Variants in SH3GL2 observed in about 807,000 individuals in gnomAD.
The protein encoded by SH3GL2 is SH3 domain containing GRB2 like 2, endophilin A1, also known as endophilin-A1.
In SH3GL2, 24 loss-of-function variants were observed where a neutral mutation model predicts 46.0. The observed-to-expected ratio is 0.52, with a 90% confidence interval of 0.38 to 0.73. SH3GL2 has a LOEUF of 0.73. Ranked by LOEUF, SH3GL2 falls within the 30% of genes least tolerant of loss-of-function variation. The pLI is 0.00. For synonymous variants in SH3GL2, 196 were observed against 147.1 expected, an observed-to-expected ratio of 1.33 and a Z score of -2.40; for missense variants, 413 against 424.2, an observed-to-expected ratio of 0.97 and a Z score of 0.23.
Position 17,657,083 on chromosome 9 carries a change from A to C in SH3GL2, c.45+77796A>C, listed in dbSNP as rs909761532. Among the ~76,000 whole-genome samples the C allele has an allele frequency of 3.9e-5, 6 of 152,202 alleles. No individual in the cohort carries two copies. The East Asian group carries it at 1.2e-3, about 29-fold the overall frequency. On this transcript the variant is annotated intron_variant, in intron 1 of 8. Transcript: ENST00000380607. The stretch of plus-strand genomic sequence containing the variant: ...TGTTCCTAGGGAATGGTTGTGAAGT[A>C]CTTTTTAGTCACTCACCTGATAGAG...
chr9:17,793,716 C>G (rs143165199), intron 8 of SH3GL2, among the ~76,000 whole-genome samples: 107 of 152,232 alleles, frequency 7.0e-4, no homozygotes, highest in African/African-American at 2.5e-3. Context: ...CTCTATAAAA[C>G]TTTCTTTGTA....
At chr9:17,687,975 T>G (rs774917570) in intron 1 of SH3GL2, among the ~76,000 whole-genome samples, 2 of 152,136 alleles carry the variant, frequency 1.3e-5, no homozygotes, top group African/African-American at 2.4e-5. Flanking sequence ...GCTCTAGTAT[T>G]TAAAAAGTAA....
chr9:17,611,926 A>G (rs1294325309), intron 1 of SH3GL2, among the ~76,000 whole-genome samples: 1 of 152,170 alleles, frequency 6.6e-6, no homozygotes, highest in East Asian at 1.9e-4. Context: ...AAAGTAATAG[A>G]ATGCTTTATG....
chr9:17,789,834 G>A lies in SH3GL2; in HGVS notation c.624+284G>A, dbSNP rs374436176. ...GGGGTTAAAGTCTTGAATATATCAT[G>A]TAATTTATCGAATAACGCATTAAAA... On this transcript the variant is annotated intron_variant, in intron 6 of 8. Transcript: ENST00000380607. 25 of 882,570 alleles carry A rather than the reference G, an allele frequency of 2.8e-5. 1 individual carries two copies. The African/African-American group carries it at 3.3e-4, about 12-fold the overall frequency. 54.7% of individuals were successfully genotyped at this position (882,570 alleles called of 1,614,324 possible).
chr9:17,786,362 G>C lies in SH3GL2; in HGVS notation c.188-19G>C, dbSNP rs763115362. 24 of 1,598,260 alleles carry C rather than the reference G, an allele frequency of 1.5e-5. No homozygotes were observed. Among genetic ancestry groups the C allele is most frequent in the Non-Finnish European group, 2.0e-5 (24 of 1,174,012 alleles). On this transcript the variant is annotated intron_variant, in intron 3 of 8. Transcript: ENST00000380607. The stretch of plus-strand genomic sequence containing the variant: ...GTCACATTGCCTACTCTGAAAGCTT[G>C]TTCTCTCTTCACCTTCAGCTTCCAG...
chr9:17,700,871 C>G (rs1249534563), intron 1 of SH3GL2, among the ~76,000 whole-genome samples: 1 of 152,172 alleles, frequency 6.6e-6, no homozygotes, highest in Non-Finnish European at 1.5e-5. Flanking sequence ...GCAAAAACTG[C>G]AATTATGTTT....
chr9:17,730,609 C>T (rs1040942853), intron 1 of SH3GL2, among the ~76,000 whole-genome samples: 1 of 151,998 alleles, frequency 6.6e-6, no homozygotes, highest in Non-Finnish European at 1.5e-5. Context: ...TCATAAATAG[C>T]TCTTATTATT....
intron 1 of SH3GL2, among the ~76,000 whole-genome samples, chr9:17,678,357 G>T: frequency 6.6e-6 from 1 of 152,124 alleles, no homozygotes; most frequent in Non-Finnish European, 1.5e-5. Flanking sequence ...TCTCATTGTG[G>T]TTTTGATTTG....
chr9:17,654,330 TC>T (rs1427225697), intron 1 of SH3GL2, among the ~76,000 whole-genome samples: 2 of 152,178 alleles, frequency 1.3e-5, no homozygotes, highest in Non-Finnish European at 2.9e-5. Context: ...CTGTGCTGCT[TC>T]CCCTGAATAA....
chr9:17,786,351 T>A, intron 3 of SH3GL2, 30 bp from the exon 4 acceptor site: 1 of 1,592,660 alleles, frequency 6.3e-7, no homozygotes, highest in Non-Finnish European at 8.5e-7. Flanking sequence ...CATTGCCTAC[T>A]CTGAAAGCTT....
In SH3GL2 at chr9:17,579,197, G is replaced by A. The variant is rs1213321399; in HGVS notation, c.-46G>A. On this transcript the variant is annotated 5_prime_UTR_variant, in exon 1 of 9. Coordinates refer to ENST00000380607, the MANE Select transcript of SH3GL2 (RefSeq NM_003026.5). Reference sequence around the variant, plus strand: ...CCGCTCGGCCCTCCAGTCCCCCTCCGCCTCCTCCCTCCCGCACAGCAGCCG... The same window carrying A: ...CCGCTCGGCCCTCCAGTCCCCCTCCACCTCCTCCCTCCCGCACAGCAGCCG... The A allele has an allele frequency of 2.1e-6, 3 of 1,461,900 alleles. No individual in the cohort carries two copies. Among genetic ancestry groups the A allele is most frequent in the Non-Finnish European group, 1.8e-6 (2 of 1,088,922 alleles). 90.6% of individuals were successfully genotyped at this position (1,461,900 alleles called of 1,614,324 possible).
intron 1 of SH3GL2, among the ~76,000 whole-genome samples, chr9:17,628,553 A>C (rs983930329): frequency 6.6e-6 from 1 of 152,130 alleles, no homozygotes; most frequent in African/African-American, 2.4e-5. Context: ...TGATTTAAAG[A>C]TCTTAAGGTA....
chr9:17,725,753 A>G (rs1223511608), intron 1 of SH3GL2, among the ~76,000 whole-genome samples: 2 of 152,140 alleles, frequency 1.3e-5, no homozygotes, highest in East Asian at 1.9e-4. Context: ...ATGGGAACTG[A>G]ATGGGGAAAG....
At chr9:17,615,190 T>C (rs796482459) in intron 1 of SH3GL2, among the ~76,000 whole-genome samples, 15 of 152,108 alleles carry the variant, frequency 9.9e-5, no homozygotes, top group South Asian at 4.1e-4. Flanking sequence ...GAGCACCCCG[T>C]AGCAGGGTGA....
chr9:17,607,885 G>C (rs149832031), intron 1 of SH3GL2, among the ~76,000 whole-genome samples: 61 of 152,084 alleles, frequency 4.0e-4, no homozygotes, highest in Non-Finnish European at 7.6e-4. Flanking sequence ...CAAATGAATG[G>C]GTTAAATACT....
chr9:17,597,409 C>T (rs1040940557), intron 1 of SH3GL2, among the ~76,000 whole-genome samples: 5 of 151,782 alleles, frequency 3.3e-5, no homozygotes, highest in African/African-American at 1.2e-4. Context: ...GCCAGCTACT[C>T]GGGAGGCCGA....
At chr9:17,624,190 C>G (rs763394279) in intron 1 of SH3GL2, among the ~76,000 whole-genome samples, 12 of 152,294 alleles carry the variant, frequency 7.9e-5, no homozygotes, top group Non-Finnish European at 1.2e-4. Context: ...AGTGATGTGT[C>G]CTTGCCAGGA....
Position 17,734,166 on chromosome 9 carries a change from G to A in SH3GL2, c.46-12900G>A, listed in dbSNP as rs144559445. 8.1e-3 allele frequency among the ~76,000 whole-genome samples: 1,234 copies of A among 152,126 alleles called. 10 individuals are homozygous for A. Among genetic ancestry groups the A allele is most frequent in the Non-Finnish European group, 0.013 (858 of 68,000 alleles). On this transcript the variant is annotated intron_variant, in intron 1 of 8. Transcript: ENST00000380607. ...ATTATTTTGCTTTTCAAGATCATCT[G>A]GAATGATGCCATTTAGACTAATTGC... is the stretch of plus-strand genomic sequence containing the variant.
At chr9:17,694,984 A>G (rs986846233) in intron 1 of SH3GL2, among the ~76,000 whole-genome samples, 1 of 152,182 alleles carries the variant, frequency 6.6e-6, no homozygotes, top group African/African-American at 2.4e-5. Flanking sequence ...TGAAAATTAT[A>G]AAATTTTCAC....
Sources: gnomAD v4.1 joint callset for allele counts (sites outside exome capture counted in the v4.1 genomes callset) on GRCh38, gnomAD v4.1.1 for gene constraint, MANE v1.5 for transcripts, NCBI Gene and HGNC (gene_info 2026-07-23, HGNC 2026-07-21) for gene names.